Variants in CNTNAP2 observed in about 807,000 individuals in gnomAD.
CNTNAP2 encodes contactin-associated protein-like 2.
A neutral mutation model predicts 155.2 loss-of-function variants in CNTNAP2; 98 were observed. The observed-to-expected ratio is 0.63, with a 90% confidence interval of 0.54 to 0.75. The LOEUF is 0.75. CNTNAP2 is among the 30% of genes least tolerant of loss of function. The probability of loss-of-function intolerance (pLI) is 0.00; values close to 1 mark genes in which losing one functional copy is unlikely to be tolerated. For synonymous variants in CNTNAP2, 651 were observed against 631.2 expected (o/e 1.03, Z -0.47); for missense variants, 1,727 against 1,688.1 (o/e 1.02, Z -0.40).
At chr7:146,802,213 G>T (rs1802890704) in intron 2 of CNTNAP2, among the ~76,000 whole-genome samples, 2 of 152,122 alleles carry the variant, frequency 1.3e-5, no homozygotes, top group South Asian at 2.1e-4. Flanking sequence ...GCCGGACTAA[G>T]GTACTTGGAA....
intron 20 of CNTNAP2, among the ~76,000 whole-genome samples, chr7:148,247,059 C>T (rs909230305): frequency 6.6e-6 from 1 of 152,078 alleles, no homozygotes; most frequent in Non-Finnish European, 1.5e-5. Flanking sequence ...GATAAGAAAA[C>T]AAAAATGATT....
intron 15 of CNTNAP2, among the ~76,000 whole-genome samples, chr7:148,097,367 AAAAAAT>A (rs143367782): frequency 0.018 from 2,674 of 147,468 alleles, 39 homozygotes; most frequent in South Asian, 0.053. Context: ...AAAAAACCAT[AAAAAAT>A]AAAAATAAAA....
intron 14 of CNTNAP2, among the ~76,000 whole-genome samples, chr7:147,960,954 A>G (rs1459465345): frequency 1.3e-5 from 2 of 152,216 alleles, no homozygotes; most frequent in East Asian, 1.9e-4. Context: ...ACAAAAAAAC[A>G]TAGTTGGTGA....
intron 13 of CNTNAP2, among the ~76,000 whole-genome samples, chr7:147,640,078 G>C (rs895403200): frequency 1.3e-5 from 2 of 152,114 alleles, no homozygotes; most frequent in Non-Finnish European, 2.9e-5. Flanking sequence ...CCAAGTATGT[G>C]ACTTTGGTGG....
At chr7:147,847,998 A>G (rs1798840755) in intron 13 of CNTNAP2, among the ~76,000 whole-genome samples, 1 of 128,126 alleles carries the variant, frequency 7.8e-6, no homozygotes, top group South Asian at 2.6e-4. Flanking sequence ...TGCTCTCTTC[A>G]AAGCTGTCAG....
At position 147,234,474 on chromosome 7, in the gene CNTNAP2, A is replaced by T. The variant is rs531716774; in HGVS notation, c.1349-65667A>T. On this transcript the variant is annotated intron_variant, in intron 8 of 23. Coordinates refer to ENST00000361727, the MANE Select transcript of CNTNAP2 (RefSeq NM_014141.6). ...TGCCTCAGCCTCCAGAGTAGCTGGG[A>T]CTACAGGCGCCTGACACCATGCCCA... is the stretch of plus-strand genomic sequence containing the variant. Among the ~76,000 whole-genome samples, 15 of 150,900 alleles carry T rather than the reference A, an allele frequency of 9.9e-5. No individual in the cohort carries two copies. In the South Asian group the frequency reaches 3.1e-3, roughly 32 times the overall value.
In CNTNAP2 at chr7:146,371,553, AT is replaced by A. The variant is rs1338314420; in HGVS notation, c.97+254585del. On this transcript the variant is annotated intron_variant, in intron 1 of 23. Transcript: ENST00000361727. ...CAGCTAATTTTTTTATTTTTTTTGT[AT>A]TTTTAGTAGAAACGGGGTTTCACCA... Among the ~76,000 whole-genome samples the A allele has an allele frequency of 8.6e-5, 13 of 151,300 alleles. No individual in the cohort carries two copies. The South Asian group carries it at 2.3e-3, about 27-fold the overall frequency.
chr7:148,155,407 T>C (rs906410155), intron 17 of CNTNAP2, among the ~76,000 whole-genome samples: 3 of 152,320 alleles, frequency 2.0e-5, no homozygotes, highest in Non-Finnish European at 2.9e-5. Context: ...TGTTTCTTTA[T>C]TTTGATTTTT....
rs1338015764 is a variant in CNTNAP2 at position 146,287,508 on chromosome 7, T to A, written c.97+170535T>A. On this transcript the variant is annotated intron_variant, in intron 1 of 23. Coordinates refer to ENST00000361727, the MANE Select transcript of CNTNAP2 (RefSeq NM_014141.6). The stretch of plus-strand genomic sequence containing the variant: ...CCCACAATCCTTGTTTGCAAAGATA[T>A]GAGCTTATTTTCCAACTCATTCTTA... 2.6e-5 allele frequency among the ~76,000 whole-genome samples: 4 copies of A among 152,288 alleles called. No individual in the cohort carries two copies. The Middle Eastern group carries it at 0.01, about 388-fold the overall frequency.
chr7:148,258,975 A>C (rs1019312185), intron 20 of CNTNAP2, among the ~76,000 whole-genome samples: 15 of 151,900 alleles, frequency 9.9e-5, no homozygotes, highest in Non-Finnish European at 1.5e-5. Flanking sequence ...CAGGAGTTCA[A>C]GACCAGCCTG....
intron 1 of CNTNAP2, among the ~76,000 whole-genome samples, chr7:146,427,184 A>C (rs1409737801): frequency 6.6e-6 from 1 of 152,194 alleles, no homozygotes; most frequent in Non-Finnish European, 1.5e-5. Context: ...ATCGCTTTTA[A>C]GTTTCACCTC....
intron 15 of CNTNAP2, among the ~76,000 whole-genome samples, chr7:148,067,924 G>A (rs1294807732): frequency 6.6e-6 from 1 of 152,152 alleles, no homozygotes; most frequent in Non-Finnish European, 1.5e-5. Flanking sequence ...TTCCAGGGAA[G>A]TGGGGGAAAG....
At chr7:147,602,556 G>A (rs1199413683) in intron 12 of CNTNAP2, among the ~76,000 whole-genome samples, 1 of 150,324 alleles carries the variant, frequency 6.7e-6, no homozygotes. Context: ...AGTTACATAT[G>A]TATACATGTG....
intron 18 of CNTNAP2, among the ~76,000 whole-genome samples, chr7:148,206,379 A>G (rs1795449896): frequency 1.3e-5 from 2 of 151,542 alleles, no homozygotes; most frequent in South Asian, 2.1e-4. Context: ...GAAAACAAAT[A>G]TAGTGAAATG....
intron 3 of CNTNAP2, among the ~76,000 whole-genome samples, chr7:147,040,183 GA>G (rs1423691143): frequency 6.6e-6 from 1 of 152,002 alleles, no homozygotes; most frequent in Non-Finnish European, 1.5e-5. Flanking sequence ...ACAAGCCTAT[GA>G]AAAAAAGCTC....
intron 1 of CNTNAP2, among the ~76,000 whole-genome samples, chr7:146,492,629 A>G (rs1388752534): frequency 6.6e-6 from 1 of 152,196 alleles, no homozygotes; most frequent in Non-Finnish European, 1.5e-5. Context: ...CTCTGCACAG[A>G]GATAAGTGTG....
Position 148,362,253 on chromosome 7 carries a change from G to A in CNTNAP2, c.3476-21396G>A, listed in dbSNP as rs993174561. On this transcript the variant is annotated intron_variant, in intron 21 of 23. Coordinates refer to ENST00000361727, the MANE Select transcript of CNTNAP2 (RefSeq NM_014141.6). Reference sequence around the variant, plus strand: ...AGATCTCATGAGAACTCACTATCACGAGAACAGCATGGGGGAAACCACCCC... The same window carrying A: ...AGATCTCATGAGAACTCACTATCACAAGAACAGCATGGGGGAAACCACCCC... 3.3e-5 allele frequency among the ~76,000 whole-genome samples: 5 copies of A among 151,584 alleles called. No homozygotes were observed. In the South Asian group the frequency reaches 8.3e-4, roughly 25 times the overall value.
intron 8 of CNTNAP2, among the ~76,000 whole-genome samples, chr7:147,276,506 T>C (rs1435684071): frequency 6.6e-6 from 1 of 152,078 alleles, no homozygotes; most frequent in Non-Finnish European, 1.5e-5. Flanking sequence ...AACCATTGTC[T>C]CAGCTATGTT....
intron 1 of CNTNAP2, among the ~76,000 whole-genome samples, chr7:146,478,295 A>G (rs1200135481): frequency 6.6e-6 from 1 of 152,172 alleles, no homozygotes; most frequent in Non-Finnish European, 1.5e-5. Flanking sequence ...GTAGAAGGGA[A>G]TAGTGAGAAT....
Sources: allele counts gnomAD v4.1 joint callset (sites outside exome capture counted in the v4.1 genomes callset), GRCh38; gene constraint gnomAD v4.1.1; transcripts MANE v1.5; gene names NCBI Gene and HGNC (gene_info 2026-07-23, HGNC 2026-07-21).